SUMF1: variants seen among roughly 807,000 people sequenced by gnomAD.
SUMF1 encodes the protein sulfatase modifying factor 1.
Under a neutral mutation model 47.6 loss-of-function variants are expected in SUMF1, and 48 were observed. The ratio of observed to expected loss-of-function variants is 1.01; its 90% CI spans 0.80 to 1.28. The LOEUF is 1.28. SUMF1 is among the 50% of genes most tolerant of loss of function. The pLI, the probability that SUMF1 is intolerant of heterozygous loss-of-function variation, is 0.00. For synonymous variants in SUMF1, 230 were observed against 192.1 expected (o/e 1.20, Z -1.63); for missense variants, 571 against 485.4 (o/e 1.18, Z -1.66).
intron 8 of SUMF1, among the ~76,000 whole-genome samples, chr3:4,319,271 G>A (rs1387002431): frequency 1.3e-5 from 2 of 152,162 alleles, no homozygotes; most frequent in Non-Finnish European, 1.5e-5. Context: ...AATGACAGGG[G>A]GTTCAGTCCT....
chr3:4,300,132 C>A (rs1055961926), intron 8 of SUMF1, among the ~76,000 whole-genome samples: 1 of 152,200 alleles, frequency 6.6e-6, no homozygotes, highest in East Asian at 1.9e-4. Context: ...ACCATCCCCT[C>A]GGTGCTGTCA....
At chr3:4,464,404 G>A (rs986347245) in intron 1 of SUMF1, among the ~76,000 whole-genome samples, 2 of 147,796 alleles carry the variant, frequency 1.4e-5, no homozygotes, top group African/African-American at 2.6e-5. Flanking sequence ...GTGTGTGTCT[G>A]TGTGTGTTTG....
At chr3:4,150,304 A>G (rs1467239781) in intron 8 of SUMF1, among the ~76,000 whole-genome samples, 2 of 148,042 alleles carry the variant, frequency 1.4e-5, no homozygotes, top group African/African-American at 5.3e-5. Flanking sequence ...GCTCACATCT[A>G]TAATCCCAGC....
At chr3:4,298,735 C>A in intron 8 of SUMF1, among the ~76,000 whole-genome samples, 1 of 152,142 alleles carries the variant, frequency 6.6e-6, no homozygotes, top group East Asian at 1.9e-4. Flanking sequence ...TGTATACATT[C>A]CCCTAATTGG....
chr3:4,089,993 T>G (rs1692749830), intron 8 of SUMF1, among the ~76,000 whole-genome samples: 1 of 152,110 alleles, frequency 6.6e-6, no homozygotes, highest in African/African-American at 2.4e-5. Flanking sequence ...TTTTATTCAT[T>G]TGGCTTGAGA....
chr3:4,161,771 C>G (rs1694582369), intron 8 of SUMF1, among the ~76,000 whole-genome samples: 1 of 152,098 alleles, frequency 6.6e-6, no homozygotes, highest in Admixed American at 6.5e-5. Flanking sequence ...GGGACTCCCT[C>G]AAAGCCTATT....
intron 8 of SUMF1, among the ~76,000 whole-genome samples, chr3:4,206,928 T>C (rs1695666742): frequency 6.6e-6 from 1 of 152,174 alleles, no homozygotes; most frequent in African/African-American, 2.4e-5. Context: ...GTTGAATCTA[T>C]AAATCAATTT....
At chr3:4,145,844 C>G (rs768748384) in intron 8 of SUMF1, among the ~76,000 whole-genome samples, 8 of 152,070 alleles carry the variant, frequency 5.3e-5, no homozygotes, top group Non-Finnish European at 8.8e-5. Context: ...AAAAGGCTTC[C>G]CAGCCCCATT....
chr3:4,394,371 T>C (rs1700974608), intron 7 of SUMF1, among the ~76,000 whole-genome samples: 1 of 152,128 alleles, frequency 6.6e-6, no homozygotes, highest in Admixed American at 6.6e-5. Context: ...TTGCCCAGGC[T>C]GGTCTCAAAG....
chr3:4,314,029 A>C, intron 8 of SUMF1: 1 of 561,394 alleles, frequency 1.8e-6, no homozygotes, highest in Non-Finnish European at 3.1e-6. Context: ...AAGTCCTTAA[A>C]TGGAGATATC....
chr3:4,178,279 G>A (rs988425835), intron 8 of SUMF1, among the ~76,000 whole-genome samples: 20 of 152,162 alleles, frequency 1.3e-4, no homozygotes, highest in African/African-American at 3.6e-4. Context: ...GAACATTGAT[G>A]CAAAAATCCT....
chr3:4,445,665 T>C (rs73001422), intron 3 of SUMF1, among the ~76,000 whole-genome samples: 7,980 of 152,264 alleles, frequency 0.052, 308 homozygotes, highest in Middle Eastern at 0.088. Context: ...TTTAAATCCA[T>C]GAGTTCATGA....
chr3:4,045,949 G>A (rs116034071), intron 9 of SUMF1, among the ~76,000 whole-genome samples: 1 of 152,146 alleles, frequency 6.6e-6, no homozygotes, highest in African/African-American at 2.4e-5. Flanking sequence ...GACTCAGAAG[G>A]CTGAGGCAAG....
At chr3:4,372,250 T>C (rs1700191995) in intron 8 of SUMF1, among the ~76,000 whole-genome samples, 1 of 152,078 alleles carries the variant, frequency 6.6e-6, no homozygotes, top group Non-Finnish European at 1.5e-5. Context: ...GCAGTGAGCC[T>C]AGATCATGTC....
intron 8 of SUMF1, among the ~76,000 whole-genome samples, chr3:4,121,744 G>A (rs1253742810): frequency 4.6e-5 from 7 of 151,812 alleles, no homozygotes; most frequent in Admixed American, 4.6e-4. Flanking sequence ...TAAGTTCAGG[G>A]GTACATGTGC....
chr3:4,367,259 CA>C (rs1315499080), intron 8 of SUMF1, among the ~76,000 whole-genome samples: 2 of 152,196 alleles, frequency 1.3e-5, no homozygotes, highest in Non-Finnish European at 1.5e-5. Context: ...AGCTGTCAGA[CA>C]GGGACATTTA....
At chr3:4,417,452 T>A (rs1701751051) in intron 5 of SUMF1, among the ~76,000 whole-genome samples, 1 of 152,242 alleles carries the variant, frequency 6.6e-6, no homozygotes, top group African/African-American at 2.4e-5. Flanking sequence ...AGCCTCAGTC[T>A]TGCCCAGGTA....
In SUMF1 at chr3:4,035,397, G is replaced by A. The variant is rs531938493; in HGVS notation, c.1191+33172C>T. Among the ~76,000 whole-genome samples, 32 of 152,216 alleles carry A rather than the reference G, an allele frequency of 2.1e-4. No homozygotes were observed. In the South Asian group the frequency reaches 6.4e-3, roughly 31 times the overall value. On this transcript the variant is annotated intron_variant and NMD_transcript_variant, in intron 9 of 12. Transcript: ENST00000448413. ...CTCTATCACTTCTACCTCTGCCTCT[G>A]CGTTCATGTGAGTTTCTCATCTTCT...
chr3:4,294,539 G>A (rs185685124), intron 8 of SUMF1, among the ~76,000 whole-genome samples: 1 of 152,300 alleles, frequency 6.6e-6, no homozygotes, highest in East Asian at 1.9e-4. Flanking sequence ...CCTCTGAGTT[G>A]TAGAGAGTGT....
Sources: gnomAD v4.1 joint callset for allele counts (sites outside exome capture counted in the v4.1 genomes callset) on GRCh38, gnomAD v4.1.1 for gene constraint, MANE v1.5 for transcripts, NCBI Gene and HGNC (gene_info 2026-07-23, HGNC 2026-07-21) for gene names.